The following MDGA2 variants were observed in gnomAD, a reference collection of about 807,000 sequenced individuals.
MDGA2 encodes the protein MAM domain-containing glycosylphosphatidylinositol anchor protein 2.
A neutral mutation model predicts 117.8 loss-of-function variants in MDGA2; 40 were observed. That is an observed-to-expected ratio of 0.34 (90% CI 0.26 to 0.44). The LOEUF (loss-of-function observed/expected upper bound fraction) is 0.44. Ranked by LOEUF, MDGA2 falls within the 20% of genes least tolerant of loss-of-function variation. The probability of loss-of-function intolerance (pLI) is 1.00; values close to 1 mark genes in which losing one functional copy is unlikely to be tolerated. For synonymous variants in MDGA2, 452 were observed against 439.0 expected, an observed-to-expected ratio of 1.03 and a Z score of -0.37; for missense variants, 1,123 against 1,250.6, an observed-to-expected ratio of 0.90 and a Z score of 1.54.
At chr14:47,323,188 A>ATATG in intron 1 of MDGA2, among the ~76,000 whole-genome samples, 1 of 131,266 alleles carries the variant, frequency 7.6e-6, no homozygotes, top group South Asian at 2.4e-4. Flanking sequence ...ATATATATAT[A>ATATG]TATATGGTAT....
intron 1 of MDGA2, among the ~76,000 whole-genome samples, chr14:47,342,301 AAT>A (rs1300217902): frequency 3.8e-4 from 56 of 146,262 alleles, no homozygotes; most frequent in Middle Eastern, 3.6e-3. Flanking sequence ...TATATATATA[AAT>A]ATGTGTGTAT....
intron 9 of MDGA2, among the ~76,000 whole-genome samples, chr14:46,930,878 C>T (rs1884543678): frequency 6.6e-6 from 1 of 152,016 alleles, no homozygotes; most frequent in Non-Finnish European, 1.5e-5. Context: ...GGTTGAGGAT[C>T]TGAAAGGAAA....
At chr14:46,889,589 C>G (rs541416201) in intron 10 of MDGA2, among the ~76,000 whole-genome samples, 1 of 152,194 alleles carries the variant, frequency 6.6e-6, no homozygotes, top group East Asian at 1.9e-4. Flanking sequence ...TTGGAACTGT[C>G]TTGGCTTTTA....
intron 1 of MDGA2, among the ~76,000 whole-genome samples, chr14:47,358,662 T>A (rs1005099042): frequency 3.3e-5 from 5 of 152,132 alleles, no homozygotes; most frequent in African/African-American, 1.2e-4. Context: ...TGTCTTTACG[T>A]CAATAAAGAC....
At chr14:47,668,802 T>C (rs1898023205) in intron 1 of MDGA2, among the ~76,000 whole-genome samples, 1 of 152,226 alleles carries the variant, frequency 6.6e-6, no homozygotes, top group Admixed American at 6.5e-5. Flanking sequence ...TTAACTGAGA[T>C]GACAGCACAT....
chr14:47,243,867 G>A (rs1442084179), intron 2 of MDGA2, among the ~76,000 whole-genome samples: 1 of 151,818 alleles, frequency 6.6e-6, no homozygotes, highest in African/African-American at 2.4e-5. Context: ...TAGGACATAC[G>A]TGTGATTGTT....
At chr14:47,131,333 G>C (rs1020466316) in intron 5 of MDGA2, among the ~76,000 whole-genome samples, 2 of 151,758 alleles carry the variant, frequency 1.3e-5, no homozygotes, top group Non-Finnish European at 2.9e-5. Context: ...CAAAGTAAAA[G>C]AAAGTTTCTT....
intron 3 of MDGA2, among the ~76,000 whole-genome samples, chr14:47,186,230 C>G (rs1441033799): frequency 6.6e-6 from 1 of 151,486 alleles, no homozygotes; most frequent in Non-Finnish European, 1.5e-5. Flanking sequence ...TATTGTAAAG[C>G]AACAACTCCC....
chr14:46,954,015 T>G (rs564796567), intron 9 of MDGA2, among the ~76,000 whole-genome samples: 3 of 152,022 alleles, frequency 2.0e-5, no homozygotes, highest in Non-Finnish European at 2.9e-5. Flanking sequence ...TCTGCTATAT[T>G]GTGTAATGGG....
chr14:47,052,831 C>T (rs1197105442), intron 7 of MDGA2, among the ~76,000 whole-genome samples: 3 of 151,756 alleles, frequency 2.0e-5, no homozygotes, highest in South Asian at 2.1e-4. Context: ...TACCAAAATA[C>T]TCTATTTAAA....
chr14:47,127,085 A>C (rs1275820038), intron 5 of MDGA2, among the ~76,000 whole-genome samples: 1 of 152,196 alleles, frequency 6.6e-6, no homozygotes, highest in Non-Finnish European at 1.5e-5. Context: ...ATTGGTTTAC[A>C]GAGAAGATTA....
At chr14:47,530,483 G>A (rs1236487705) in intron 1 of MDGA2, among the ~76,000 whole-genome samples, 1 of 152,116 alleles carries the variant, frequency 6.6e-6, no homozygotes, top group Non-Finnish European at 1.5e-5. Context: ...TCTGTATACT[G>A]TACTTCTGCA....
intron 1 of MDGA2, among the ~76,000 whole-genome samples, chr14:47,560,700 CTTTAG>C (rs1435744263): frequency 6.6e-6 from 1 of 152,154 alleles, no homozygotes; most frequent in Non-Finnish European, 1.5e-5. Context: ...TGCAGAAGCT[CTTTAG>C]TTTAATTAGA....
intron 8 of MDGA2, among the ~76,000 whole-genome samples, chr14:46,984,836 C>T (rs1372940558): frequency 6.6e-6 from 1 of 152,038 alleles, no homozygotes; most frequent in Non-Finnish European, 1.5e-5. Flanking sequence ...ATATTTAACA[C>T]CTAGTTTTGC....
intron 1 of MDGA2, among the ~76,000 whole-genome samples, chr14:47,506,737 G>A (rs1025245559): frequency 6.6e-6 from 1 of 152,132 alleles, no homozygotes; most frequent in East Asian, 1.9e-4. Context: ...AATGCAGGCC[G>A]GGCGGGGCAG....
intron 3 of MDGA2, among the ~76,000 whole-genome samples, chr14:47,213,776 G>T (rs1357085881): frequency 1.3e-5 from 2 of 151,842 alleles, no homozygotes; most frequent in East Asian, 3.9e-4. Context: ...AATACTATTA[G>T]TCCATTTTCA....
At chr14:47,546,079 A>G (rs769465563) in intron 1 of MDGA2, among the ~76,000 whole-genome samples, 22 of 152,202 alleles carry the variant, frequency 1.4e-4, no homozygotes, top group Admixed American at 9.2e-4. Context: ...TATGCCAAGT[A>G]GTATATTGGT....
chr14:47,343,394 A>AT, intron 1 of MDGA2: 1 of 335,620 alleles, frequency 3.0e-6, no homozygotes, highest in Non-Finnish European at 4.2e-6. Flanking sequence ...CTTTGAACCA[A>AT]ACATAAATAT....
chr14:47,401,401 G>A (rs971180466), intron 1 of MDGA2, among the ~76,000 whole-genome samples: 28 of 152,108 alleles, frequency 1.8e-4, no homozygotes, highest in African/African-American at 6.5e-4. Flanking sequence ...AATAAGGGGA[G>A]GGGGAGAGAA....
Sources: gnomAD v4.1 joint callset for allele counts (sites outside exome capture counted in the v4.1 genomes callset) on GRCh38, gnomAD v4.1.1 for gene constraint, MANE v1.5 for transcripts, NCBI Gene and HGNC (gene_info 2026-07-23, HGNC 2026-07-21) for gene names.